The following KIF6 variants were observed in gnomAD, a reference collection of about 807,000 sequenced individuals.
KIF6 encodes kinesin-like protein KIF6.
Under a neutral mutation model 112.7 loss-of-function variants are expected in KIF6, and 106 were observed. The observed-to-expected ratio is 0.94, with a 90% CI of 0.80 to 1.11. The LOEUF is 1.11. Among genes scored for constraint, KIF6 ranks in the 50% least tolerant of loss-of-function variants. The pLI, the probability that KIF6 is intolerant of heterozygous loss-of-function variation, is 0.00. For synonymous variants in KIF6, 339 were observed against 339.9 expected, an observed-to-expected ratio of 1.00 and a Z score of 0.03; for missense variants, 929 against 964.0, an observed-to-expected ratio of 0.96 and a Z score of 0.48.
intron 13 of KIF6, among the ~76,000 whole-genome samples, chr6:39,494,370 A>T (rs987721240): frequency 6.6e-6 from 1 of 152,228 alleles, no homozygotes; most frequent in Non-Finnish European, 1.5e-5. Flanking sequence ...AGATTTTAAA[A>T]TTAAGGGTTT....
intron 15 of KIF6, among the ~76,000 whole-genome samples, chr6:39,396,149 A>C (rs1768253468): frequency 6.6e-6 from 1 of 152,240 alleles, no homozygotes; most frequent in African/African-American, 2.4e-5. Context: ...CTCCATTTGA[A>C]GAGACTGGAG....
chr6:39,478,008 T>G (rs1188720000), intron 13 of KIF6, among the ~76,000 whole-genome samples: 1 of 152,154 alleles, frequency 6.6e-6, no homozygotes, highest in African/African-American at 2.4e-5. Flanking sequence ...AAGATCTTTG[T>G]TTTTTGGATT....
intron 15 of KIF6, among the ~76,000 whole-genome samples, chr6:39,418,677 G>A (rs1475447411): frequency 1.3e-5 from 2 of 152,172 alleles, no homozygotes; most frequent in Non-Finnish European, 2.9e-5. Flanking sequence ...AAGAACTCCT[G>A]AGACACAAGG....
intron 6 of KIF6, among the ~76,000 whole-genome samples, chr6:39,608,960 T>C (rs1783044572): frequency 6.6e-6 from 1 of 152,186 alleles, no homozygotes; most frequent in African/African-American, 2.4e-5. Context: ...AGCTAAGAAC[T>C]CCAGGGCCTG....
chr6:39,443,170 A>ACT (rs1446201649), intron 13 of KIF6, among the ~76,000 whole-genome samples: 3,240 of 123,362 alleles, frequency 0.026, 161 homozygotes, highest in East Asian at 0.19. Context: ...AAATAAAAAT[A>ACT]AAAAAAAGAA....
intron 6 of KIF6, among the ~76,000 whole-genome samples, chr6:39,598,591 G>T (rs1782413566): frequency 6.6e-6 from 1 of 151,844 alleles, no homozygotes; most frequent in South Asian, 2.1e-4. Context: ...GTGTGTGTGT[G>T]TGTGTGTGTG....
chr6:39,400,019 A>G (rs1208115034), intron 15 of KIF6, among the ~76,000 whole-genome samples: 1 of 152,236 alleles, frequency 6.6e-6, no homozygotes, highest in Admixed American at 6.5e-5. Flanking sequence ...GCTCCAGAGC[A>G]GTGCTTGGAG....
intron 3 of KIF6, among the ~76,000 whole-genome samples, chr6:39,665,079 A>G (rs774803244): frequency 6.6e-5 from 10 of 152,186 alleles, no homozygotes; most frequent in Admixed American, 2.6e-4. Flanking sequence ...GAAAAGGGAA[A>G]TGTATAAACA....
intron 5 of KIF6, among the ~76,000 whole-genome samples, chr6:39,632,597 A>C (rs1292038064): frequency 6.6e-6 from 1 of 152,072 alleles, no homozygotes; most frequent in Non-Finnish European, 1.5e-5. Flanking sequence ...GCAAAAAAAA[A>C]AAAATTCATT....
chr6:39,614,720 A>G (rs1783409793), intron 5 of KIF6, among the ~76,000 whole-genome samples: 1 of 152,216 alleles, frequency 6.6e-6, no homozygotes, highest in Admixed American at 6.5e-5. Flanking sequence ...TTATTTTTCA[A>G]CAAGACTCTT....
chr6:39,495,729 A>G (rs1172108661), intron 13 of KIF6, among the ~76,000 whole-genome samples: 1 of 152,050 alleles, frequency 6.6e-6, no homozygotes, highest in African/African-American at 2.4e-5. Flanking sequence ...TACGGGGAGG[A>G]TGTAGTATTT....
chr6:39,424,504 G>C (rs1020097943), intron 14 of KIF6, among the ~76,000 whole-genome samples: 1 of 152,222 alleles, frequency 6.6e-6, no homozygotes, highest in African/African-American at 2.4e-5. Context: ...AATATTTGTA[G>C]AATAAAAGAA....
At chr6:39,443,074 A>G (rs1015626575) in intron 13 of KIF6, among the ~76,000 whole-genome samples, 6 of 150,676 alleles carry the variant, frequency 4.0e-5, no homozygotes, top group African/African-American at 1.2e-4. Context: ...AGATCACGCC[A>G]TTGCACTCCA....
intron 19 of KIF6, 41 bp downstream of exon 19, chr6:39,357,236 T>C (rs371202903): frequency 1.7e-4 from 235 of 1,357,746 alleles, no homozygotes; most frequent in South Asian, 3.7e-4. Context: ...TAGGGAGCCT[T>C]TTCTGGGAAC....
chr6:39,359,834 G>A (rs1044362031), intron 18 of KIF6, among the ~76,000 whole-genome samples: 4 of 152,184 alleles, frequency 2.6e-5, no homozygotes, highest in Admixed American at 2.6e-4. Flanking sequence ...CCTGGGCTCA[G>A]GTGATCAGCC....
rs376632151 is a variant in KIF6 at position 39,725,226 on chromosome 6, C to T, written c.66+19G>A. On this transcript the variant is annotated intron_variant, in intron 1 of 22. Transcript: ENST00000287152. ...AAGAGGCCCCGCCGCGCCGGCGCCC[C>T]GGAGGCTCCAGCCCGTACCCCTTGT... 2.5e-6 allele frequency: 4 copies of T among 1,602,124 alleles called. No individual in the cohort carries two copies. In the East Asian group the frequency reaches 6.9e-5, roughly 28 times the overall value.
intron 16 of KIF6, among the ~76,000 whole-genome samples, chr6:39,382,229 TG>T: frequency 6.6e-6 from 1 of 152,232 alleles, no homozygotes; most frequent in East Asian, 1.9e-4. Context: ...GTATATTGCA[TG>T]ATGCTGAGGT....
At chr6:39,707,150 C>T (rs1039416473) in intron 3 of KIF6, among the ~76,000 whole-genome samples, 15 of 152,330 alleles carry the variant, frequency 9.8e-5, no homozygotes, top group Middle Eastern at 3.4e-3. Flanking sequence ...ATTAAGCAAT[C>T]ACCACTGCCA....
intron 15 of KIF6, among the ~76,000 whole-genome samples, chr6:39,389,720 A>C (rs1472307928): frequency 6.6e-6 from 1 of 152,176 alleles, no homozygotes; most frequent in Non-Finnish European, 1.5e-5. Flanking sequence ...TTGCTATTTC[A>C]GTTATTCTAG....
Sources: allele counts gnomAD v4.1 joint callset (sites outside exome capture counted in the v4.1 genomes callset), GRCh38; gene constraint gnomAD v4.1.1; transcripts MANE v1.5; gene names NCBI Gene and HGNC (gene_info 2026-07-23, HGNC 2026-07-21).